CBLB: variants seen among roughly 807,000 people sequenced by gnomAD.
CBLB encodes the protein Cbl proto-oncogene B, also known as E3 ubiquitin-protein ligase CBL-B.
In CBLB, 31 loss-of-function variants were observed where a neutral mutation model predicts 104.9. The observed-to-expected ratio is 0.30, with a 90% confidence interval of 0.22 to 0.40. CBLB has a LOEUF of 0.40. Ranked by LOEUF, CBLB falls within the 10% of genes least tolerant of loss-of-function variation. The pLI is 1.00. For missense variants in CBLB, 1,062 were observed against 1,214.6 expected, an observed-to-expected ratio of 0.87 and a Z score of 1.87; for synonymous variants, 440 against 422.6, an observed-to-expected ratio of 1.04 and a Z score of -0.51.
chr3:105,840,673 A>C (rs1047462015), intron 3 of CBLB, among the ~76,000 whole-genome samples: 2 of 152,168 alleles, frequency 1.3e-5, no homozygotes, highest in African/African-American at 4.8e-5. Flanking sequence ...CCTCCAATCT[A>C]TTTAGCTTCT....
At chr3:105,749,707 T>A (rs754125993) in intron 5 of CBLB, 81 of 256,602 alleles carry the variant, frequency 3.2e-4, no homozygotes, top group Non-Finnish European at 1.4e-4. Context: ...GCTCTTACTA[T>A]TTAGAATGTC....
chr3:105,754,523 C>CAG (rs1207514486), intron 4 of CBLB, among the ~76,000 whole-genome samples: 9,867 of 102,722 alleles, frequency 0.096, 445 homozygotes, highest in Admixed American at 0.12. Context: ...GAGAGAGAGA[C>CAG]AGAGAGAGAG....
At chr3:105,684,635 C>T (rs1389476136) in intron 14 of CBLB, among the ~76,000 whole-genome samples, 1 of 151,962 alleles carries the variant, frequency 6.6e-6, no homozygotes, top group Non-Finnish European at 1.5e-5. Flanking sequence ...TCACTGCAAC[C>T]TCCGCCTCCC....
At chr3:105,791,074 A>C (rs13085563) in intron 3 of CBLB, among the ~76,000 whole-genome samples, 99,817 of 152,078 alleles carry the variant, frequency 0.66, 34,111 homozygotes, top group Middle Eastern at 0.8. Context: ...GAATTCTTAG[A>C]TTTTTACCCA....
At chr3:105,765,921 C>T (rs1312356840) in intron 4 of CBLB, among the ~76,000 whole-genome samples, 3 of 152,110 alleles carry the variant, frequency 2.0e-5, no homozygotes, top group East Asian at 1.9e-4. Flanking sequence ...ACATTTCCTA[C>T]GGCTATAGCT....
At chr3:105,660,320 TG>T (rs1246945793) in intron 18 of CBLB, among the ~76,000 whole-genome samples, 4 of 151,814 alleles carry the variant, frequency 2.6e-5, no homozygotes, top group Non-Finnish European at 5.9e-5. Flanking sequence ...CCCAAGTAGC[TG>T]GGATTACAGG....
At chr3:105,698,177 A>C (rs541643040) in intron 12 of CBLB, among the ~76,000 whole-genome samples, 78 of 152,210 alleles carry the variant, frequency 5.1e-4, no homozygotes, top group African/African-American at 1.5e-3. Context: ...TAGGAGGGGA[A>C]GAGTAAAGGG....
intron 3 of CBLB, among the ~76,000 whole-genome samples, chr3:105,823,731 A>T (rs2086197126): frequency 6.6e-6 from 1 of 152,108 alleles, no homozygotes; most frequent in African/African-American, 2.4e-5. Flanking sequence ...TCTGGGCCAC[A>T]ATTATCATGT....
At chr3:105,777,633 T>C (rs1459425567) in intron 3 of CBLB, among the ~76,000 whole-genome samples, 2 of 151,864 alleles carry the variant, frequency 1.3e-5, no homozygotes, top group Admixed American at 6.6e-5. Flanking sequence ...AAACAAAAAA[T>C]GAAAGAGAAA....
At position 105,678,425 on chromosome 3, in the gene CBLB, T is replaced by C. The variant is rs892366607; in HGVS notation, c.2569+6A>G. On this transcript the variant is annotated splice_donor_region_variant and intron_variant, in intron 17 of 18. Coordinates refer to ENST00000394030, the MANE Select transcript of CBLB (RefSeq NM_170662.5). ...TGAATAGTTTTCTTTGGCTTTTCCCTCCTACCTGAAGGAAGAAGAAAAAGA... is the reference window on the plus strand; with the variant it reads ...TGAATAGTTTTCTTTGGCTTTTCCCCCCTACCTGAAGGAAGAAGAAAAAGA... The C allele has an allele frequency of 6.8e-6, 11 of 1,613,792 alleles. No individual in the cohort carries two copies. Among genetic ancestry groups the C allele is most frequent in the Admixed American group, 1.7e-5 (1 of 60,006 alleles).
Position 105,853,406 on chromosome 3 carries a change from C to A in CBLB, c.419+8G>T, listed in dbSNP as rs564555415. 23 of 1,613,354 alleles carry A rather than the reference C, an allele frequency of 1.4e-5. No individual in the cohort carries two copies. In the East Asian group the frequency reaches 4.2e-4, roughly 30 times the overall value. On this transcript the variant is annotated splice_region_variant and intron_variant, in intron 3 of 18. Coordinates refer to ENST00000394030, the MANE Select transcript of CBLB (RefSeq NM_170662.5). The stretch of plus-strand genomic sequence containing the variant: ...TTTACACCAAAACATCTGAAATATT[C>A]TTCTTACCTGTCCTGTGACTGTTCT...
intron 1 of CBLB, chr3:105,868,151 G>C (rs2153164768): frequency 8.6e-7 from 1 of 1,161,874 alleles, no homozygotes; most frequent in East Asian, 3.2e-5. Context: ...AAACCACCAA[G>C]TACGGACACA....
chr3:105,802,589 T>G (rs758256909), intron 3 of CBLB, among the ~76,000 whole-genome samples: 22 of 152,164 alleles, frequency 1.4e-4, no homozygotes, highest in Non-Finnish European at 3.1e-4. Flanking sequence ...GACAAAAATA[T>G]TCAAATCCTA....
chr3:105,679,969 T>C (rs1414634761), intron 16 of CBLB, among the ~76,000 whole-genome samples: 1 of 152,070 alleles, frequency 6.6e-6, no homozygotes, highest in African/African-American at 2.4e-5. Flanking sequence ...CATCTGACAC[T>C]GGGCCAGGCT....
intron 6 of CBLB, among the ~76,000 whole-genome samples, chr3:105,744,513 A>G (rs1161732806): frequency 6.6e-6 from 1 of 152,204 alleles, no homozygotes; most frequent in Non-Finnish European, 1.5e-5. Flanking sequence ...TGGAAGCCAA[A>G]CTGTTTTTGT....
At chr3:105,659,396 T>C (rs2063566052) in intron 18 of CBLB, among the ~76,000 whole-genome samples, 167 bp from the exon 19 acceptor site, 2 of 152,220 alleles carry the variant, frequency 1.3e-5, no homozygotes, top group South Asian at 4.1e-4. Context: ...GGTAGTATTA[T>C]CCTCATTTTG....
intron 3 of CBLB, among the ~76,000 whole-genome samples, chr3:105,825,591 G>T (rs148105001): frequency 6.6e-6 from 1 of 152,256 alleles, no homozygotes; most frequent in Admixed American, 6.5e-5. Flanking sequence ...TGAAGGAACT[G>T]ATGAATAAAT....
intron 10 of CBLB, among the ~76,000 whole-genome samples, chr3:105,717,415 C>G (rs1209760382): frequency 6.6e-6 from 1 of 152,110 alleles, no homozygotes; most frequent in African/African-American, 2.4e-5. Flanking sequence ...CCTGGGGCTG[C>G]AAACTTTTTC....
intron 13 of CBLB, among the ~76,000 whole-genome samples, chr3:105,687,923 CTAAT>C (rs1006148264): frequency 1.3e-5 from 2 of 151,776 alleles, no homozygotes; most frequent in Non-Finnish European, 2.9e-5. Flanking sequence ...AGTCATGTAA[CTAAT>C]TATACCATCT....
Sources: allele counts gnomAD v4.1 joint callset (sites outside exome capture counted in the v4.1 genomes callset), GRCh38; gene constraint gnomAD v4.1.1; transcripts MANE v1.5; gene names NCBI Gene and HGNC (gene_info 2026-07-23, HGNC 2026-07-21).